PLXDC2: variants seen among roughly 807,000 people sequenced by gnomAD.
The protein encoded by PLXDC2 is plexin domain containing 2.
A neutral mutation model predicts 68.9 loss-of-function variants in PLXDC2; 40 were observed. That is an observed-to-expected ratio of 0.58 (90% CI 0.45 to 0.76). PLXDC2 has a LOEUF of 0.76. Among genes scored for constraint, PLXDC2 ranks in the 30% least tolerant of loss-of-function variants. The probability of loss-of-function intolerance (pLI) is 0.00; values close to 1 mark genes in which losing one functional copy is unlikely to be tolerated. For missense variants in PLXDC2, 644 were observed against 661.9 expected (o/e 0.97, Z 0.30); for synonymous variants, 243 against 234.2 (o/e 1.04, Z -0.34).
chr10:20,278,204 T>C (rs753492146), intron 13 of PLXDC2, among the ~76,000 whole-genome samples: 1 of 152,184 alleles, frequency 6.6e-6, no homozygotes, highest in Non-Finnish European at 1.5e-5. Flanking sequence ...TGCTACCAAC[T>C]AGCCTTGGAA....
intron 13 of PLXDC2, among the ~76,000 whole-genome samples, chr10:20,255,722 A>G (rs1835733919): frequency 1.3e-5 from 2 of 152,122 alleles, no homozygotes; most frequent in African/African-American, 2.4e-5. Context: ...TAAAATTTTC[A>G]GAGACCAAAA....
chr10:20,095,347 G>A (rs1233882581), intron 4 of PLXDC2, among the ~76,000 whole-genome samples: 3 of 151,950 alleles, frequency 2.0e-5, no homozygotes, highest in Admixed American at 6.6e-5. Context: ...AAATTCAGAG[G>A]GATTCATGTT....
intron 2 of PLXDC2, among the ~76,000 whole-genome samples, chr10:20,045,333 G>A (rs562584626): frequency 6.6e-6 from 1 of 152,188 alleles, no homozygotes; most frequent in South Asian, 2.1e-4. Flanking sequence ...ACTGCACCCG[G>A]CTAATTTTTG....
intron 9 of PLXDC2, among the ~76,000 whole-genome samples, chr10:20,209,267 C>T (rs183896013): frequency 1.1e-4 from 17 of 152,172 alleles, no homozygotes; most frequent in East Asian, 5.8e-4. Context: ...GCCCCTGAAG[C>T]GGCCATTTCA....
chr10:19,848,774 T>C (rs1177543482), intron 1 of PLXDC2, among the ~76,000 whole-genome samples: 1 of 152,082 alleles, frequency 6.6e-6, no homozygotes, highest in African/African-American at 2.4e-5. Context: ...TGGCTGCACT[T>C]GAATTTCATG....
chr10:20,000,695 G>T (rs1477429722), intron 1 of PLXDC2, among the ~76,000 whole-genome samples: 1 of 152,122 alleles, frequency 6.6e-6, no homozygotes, highest in Non-Finnish European at 1.5e-5. Context: ...TTAGTTATTA[G>T]AGTTCTAAGT....
At chr10:20,226,752 T>G (rs1835292633) in intron 12 of PLXDC2, among the ~76,000 whole-genome samples, 1 of 152,170 alleles carries the variant, frequency 6.6e-6, no homozygotes, top group Non-Finnish European at 1.5e-5. Flanking sequence ...TAGCTCTAAA[T>G]GCACTTTCCA....
intron 13 of PLXDC2, among the ~76,000 whole-genome samples, chr10:20,261,832 C>T (rs532321344): frequency 2.4e-4 from 36 of 150,756 alleles, no homozygotes; most frequent in South Asian, 1.5e-3. Flanking sequence ...CCAGCCTGGG[C>T]GCCAAGAGCA....
intron 12 of PLXDC2, among the ~76,000 whole-genome samples, chr10:20,241,038 A>G (rs1011103761): frequency 1.8e-4 from 27 of 152,212 alleles, no homozygotes; most frequent in Admixed American, 1.8e-3. Context: ...AATGTTATTA[A>G]ATGGTTATTT....
chr10:19,878,117 T>C (rs1307189173), intron 1 of PLXDC2, among the ~76,000 whole-genome samples: 2 of 152,200 alleles, frequency 1.3e-5, no homozygotes, highest in Non-Finnish European at 2.9e-5. Context: ...ATGTACTTTT[T>C]ACAAATTATT....
intron 4 of PLXDC2, among the ~76,000 whole-genome samples, chr10:20,120,268 C>G (rs148224169): frequency 0.012 from 1,898 of 152,174 alleles, 31 homozygotes; most frequent in African/African-American, 0.04. Flanking sequence ...ATGGGCTGTA[C>G]CTTGTATCAT....
chr10:19,820,248 A>C (rs1836438421), intron 1 of PLXDC2, among the ~76,000 whole-genome samples: 1 of 152,220 alleles, frequency 6.6e-6, no homozygotes, highest in Non-Finnish European at 1.5e-5. Context: ...GGGAGAATGT[A>C]TTTGAATAAA....
intron 1 of PLXDC2, among the ~76,000 whole-genome samples, chr10:19,857,588 A>G (rs1837238638): frequency 6.6e-6 from 1 of 152,212 alleles, no homozygotes; most frequent in African/African-American, 2.4e-5. Flanking sequence ...TCATTGTCAG[A>G]CCTTTCTTTT....
chr10:20,068,142 T>C lies in PLXDC2; in HGVS notation c.472-28T>C, dbSNP rs745792690. On this transcript the variant is annotated intron_variant, in intron 3 of 13. Coordinates refer to ENST00000377252, the MANE Select transcript of PLXDC2 (RefSeq NM_032812.9). ...CATTGACTATGCTACACATTATTGA[T>C]TTTTTTCTCTGGTGTTGTTCTTTGC... 8.2e-6 allele frequency: 13 copies of C among 1,584,412 alleles called. No individual in the cohort carries two copies. In the Admixed American group the frequency reaches 2.0e-4, roughly 25 times the overall value.
At chr10:20,269,571 G>C (rs1835910180) in intron 13 of PLXDC2, among the ~76,000 whole-genome samples, 1 of 152,142 alleles carries the variant, frequency 6.6e-6, no homozygotes, top group Admixed American at 6.6e-5. Context: ...GAAAGGTCAA[G>C]ATGAATCAAC....
rs1326276630 is a variant in PLXDC2 at position 20,283,407 on chromosome 10, A to C, written c.*3588A>C. On this transcript the variant is annotated 3_prime_UTR_variant, in exon 14 of 14. Coordinates refer to ENST00000377252, the MANE Select transcript of PLXDC2 (RefSeq NM_032812.9). ...AACCTTATGTTAATGTAACCCATATAAAGTACGACTTTTGGTCGAGTACCA... is the reference window on the plus strand; with the variant it reads ...AACCTTATGTTAATGTAACCCATATCAAGTACGACTTTTGGTCGAGTACCA... 3 of 152,258 alleles carry C rather than the reference A, an allele frequency of 2.0e-5. No individual in the cohort carries two copies. Among genetic ancestry groups the C allele is most frequent in the Non-Finnish European group, 4.4e-5 (3 of 68,042 alleles). 9.4% of individuals were successfully genotyped at this position (152,258 alleles called of 1,614,324 possible).
At chr10:20,024,487 G>A (rs1026071943) in intron 2 of PLXDC2, among the ~76,000 whole-genome samples, 1 of 152,212 alleles carries the variant, frequency 6.6e-6, no homozygotes. Context: ...TCTCATTATT[G>A]TCTTTCCCCA....
At chr10:20,183,143 G>A (rs1043029724) in intron 9 of PLXDC2, among the ~76,000 whole-genome samples, 1 of 151,944 alleles carries the variant, frequency 6.6e-6, no homozygotes, top group Non-Finnish European at 1.5e-5. Context: ...GACAAGATAA[G>A]TCTGAGATGC....
rs763288762 is a variant in PLXDC2, at chr10:20,191,670, G to C, written c.1061+14261G>C. ...TCTCATTGTTGTGGGGTGGAGGGAG[G>C]GGGGAGGGATAGCATTAGGAGATAC... On this transcript the variant is annotated intron_variant, in intron 9 of 13. Coordinates refer to ENST00000377252, the MANE Select transcript of PLXDC2 (RefSeq NM_032812.9). 2.0e-4 allele frequency among the ~76,000 whole-genome samples: 30 copies of C among 151,086 alleles called. No individual in the cohort carries two copies. The South Asian group carries it at 5.1e-3, about 26-fold the overall frequency.
Sources: allele counts gnomAD v4.1 joint callset (sites outside exome capture counted in the v4.1 genomes callset), GRCh38; gene constraint gnomAD v4.1.1; transcripts MANE v1.5; gene names NCBI Gene and HGNC (gene_info 2026-07-23, HGNC 2026-07-21).